GPM6A: variants seen among roughly 807,000 people sequenced by gnomAD.
GPM6A encodes the protein glycoprotein M6A.
A neutral mutation model predicts 32.1 loss-of-function variants in GPM6A; 7 were observed. The ratio of observed to expected loss-of-function variants is 0.22; its 90% CI spans 0.12 to 0.41. The LOEUF is 0.41. Ranked by LOEUF, GPM6A falls within the 10% of genes least tolerant of loss-of-function variation. The probability of loss-of-function intolerance (pLI) is 1.00; values close to 1 mark genes in which losing one functional copy is unlikely to be tolerated. For missense variants in GPM6A, 235 were observed against 347.2 expected (o/e 0.68, Z 2.57); for synonymous variants, 130 against 123.4 (o/e 1.05, Z -0.35).
At chr4:175,968,852 C>A (rs1243539524) in intron 1 of GPM6A, among the ~76,000 whole-genome samples, 1 of 152,052 alleles carries the variant, frequency 6.6e-6, no homozygotes, top group Admixed American at 6.6e-5. Context: ...AATGGTACAG[C>A]CATTTTAGAA....
Position 175,919,707 on chromosome 4 carries a change from A to G in GPM6A, c.-23+82602T>C, listed in dbSNP as rs193257160. Reference sequence around the variant, plus strand: ...TAACAGAATTCCCATTTACAACTGGACACACTCCTAAATGGTCACATTTCC... The same window carrying G: ...TAACAGAATTCCCATTTACAACTGGGCACACTCCTAAATGGTCACATTTCC... On this transcript the variant is annotated intron_variant, in intron 1 of 7. Coordinates refer to the GPM6A transcript ENST00000280187. Among the ~76,000 whole-genome samples, 8 of 152,296 alleles carry G rather than the reference A, an allele frequency of 5.3e-5. No individual in the cohort carries two copies. In the East Asian group the frequency reaches 1.5e-3, roughly 29 times the overall value.
intron 1 of GPM6A, among the ~76,000 whole-genome samples, chr4:175,799,768 G>A (rs1302324982): frequency 1.4e-5 from 2 of 137,996 alleles, no homozygotes; most frequent in Non-Finnish European, 3.2e-5. Flanking sequence ...TCCGCCTCCC[G>A]GGTTCACGCC....
intron 1 of GPM6A, among the ~76,000 whole-genome samples, chr4:175,998,911 A>ATGTAAATTCTAAATTCCTCTCT (rs1386673609): frequency 3.3e-5 from 5 of 151,978 alleles, no homozygotes; most frequent in Admixed American, 1.3e-4. Context: ...ACCTCCTATC[A>ATGTAAATTCTAAATTCCTCTCT]TTGCTTTTAA....
upstream of GPM6A, chr4:175,812,724 C>G (rs1331907874): frequency 1.0e-6 from 1 of 985,434 alleles, no homozygotes; most frequent in African/African-American, 1.7e-5. Context: ...CGACCACCAA[C>G]CCGTAATTCC....
At chr4:175,733,781 C>G (rs1368863082) in intron 1 of GPM6A, among the ~76,000 whole-genome samples, 1 of 152,140 alleles carries the variant, frequency 6.6e-6, no homozygotes, top group African/African-American at 2.4e-5. Flanking sequence ...TGATTGTGTG[C>G]CTGCGAGTAG....
At chr4:175,826,020 T>C (rs1316396628) in intron 1 of GPM6A, among the ~76,000 whole-genome samples, 9 of 151,850 alleles carry the variant, frequency 5.9e-5, no homozygotes, top group Admixed American at 5.9e-4. Flanking sequence ...TCTCAAAAAA[T>C]TAGAGGGCAT....
chr4:175,909,929 C>T (rs568233676), intron 1 of GPM6A, among the ~76,000 whole-genome samples: 1 of 152,068 alleles, frequency 6.6e-6, no homozygotes, highest in Non-Finnish European at 1.5e-5. Context: ...ATGAAGAGCT[C>T]ATGGAGTATA....
intron 2 of GPM6A, among the ~76,000 whole-genome samples, chr4:175,681,150 A>G (rs1743661792): frequency 6.6e-6 from 1 of 152,216 alleles, no homozygotes; most frequent in African/African-American, 2.4e-5. Flanking sequence ...TTAAAGACAT[A>G]TGTAGTTTTG....
intron 1 of GPM6A, among the ~76,000 whole-genome samples, chr4:175,764,705 C>T (rs1732888882): frequency 6.6e-6 from 1 of 151,976 alleles, no homozygotes; most frequent in Non-Finnish European, 1.5e-5. Flanking sequence ...AGCCAACTAC[C>T]TCCTTGACAT....
chr4:175,943,232 G>A (rs543325964), intron 1 of GPM6A, among the ~76,000 whole-genome samples: 5 of 152,282 alleles, frequency 3.3e-5, no homozygotes, highest in Admixed American at 3.3e-4. Flanking sequence ...CATTGATTTT[G>A]TATCCTGAGA....
intron 1 of GPM6A, among the ~76,000 whole-genome samples, chr4:175,702,069 G>A (rs1307610853): frequency 6.6e-6 from 1 of 152,058 alleles, no homozygotes; most frequent in Non-Finnish European, 1.5e-5. Flanking sequence ...ATACATGCAT[G>A]CATATCATTC....
chr4:175,994,961 C>T (rs1174428105), intron 1 of GPM6A, among the ~76,000 whole-genome samples: 1 of 152,184 alleles, frequency 6.6e-6, no homozygotes, highest in Non-Finnish European at 1.5e-5. Flanking sequence ...TTTTAAGGAA[C>T]CACTTTCATT....
chr4:175,743,469 G>GA (rs976139832), intron 1 of GPM6A, among the ~76,000 whole-genome samples: 3 of 151,298 alleles, frequency 2.0e-5, no homozygotes, highest in Non-Finnish European at 4.4e-5. Context: ...GCTACAAGAA[G>GA]AAAAAAATGA....
chr4:175,704,276 T>C (rs1745039960), intron 1 of GPM6A, among the ~76,000 whole-genome samples: 1 of 151,936 alleles, frequency 6.6e-6, no homozygotes, highest in Admixed American at 6.6e-5. Context: ...CAGGCAAAAT[T>C]GTTTCTTGAA....
chr4:175,634,959 C>T lies in GPM6A; in HGVS notation c.783G>A (p.Glu261=), dbSNP rs1371319858. 1 of 1,613,774 alleles carries T rather than the reference C, an allele frequency of 6.2e-7. No homozygotes were observed. The highest frequency in any genetic ancestry group is 1.3e-5 in the African/African-American group (1 of 75,034). ...AGCGAGTAGAGTGGATGTCATGAAG[C>T]TCTTGCTCTTCCTTCGACTTGATGT... ...YEDIKSKEEQ[E]LHDIHSTRSK... is the part of the protein sequence containing the mutation. Residue 261 remains glutamate, a synonymous_variant, in exon 7 of 7, where the codon GAG becomes GAA. Transcript: ENST00000393658.
At chr4:175,666,044 G>A (rs981325651) in intron 3 of GPM6A, among the ~76,000 whole-genome samples, 55 of 150,740 alleles carry the variant, frequency 3.6e-4, no homozygotes, top group African/African-American at 1.2e-3. Flanking sequence ...TTAGCTTCCC[G>A]AGTAGCTGGG....
chr4:175,943,860 G>C (rs1450844503), intron 1 of GPM6A, among the ~76,000 whole-genome samples: 1 of 152,128 alleles, frequency 6.6e-6, no homozygotes, highest in African/African-American at 2.4e-5. Context: ...TTGTGTCTCT[G>C]CCAGGTTTTG....
At chr4:175,724,687 C>G (rs1324736925) in intron 1 of GPM6A, among the ~76,000 whole-genome samples, 1 of 152,052 alleles carries the variant, frequency 6.6e-6, no homozygotes, top group Non-Finnish European at 1.5e-5. Flanking sequence ...AATAAATATG[C>G]ATGGCAATAA....
intron 1 of GPM6A, among the ~76,000 whole-genome samples, chr4:175,919,841 GA>G (rs1429744373): frequency 1.3e-5 from 2 of 152,130 alleles, no homozygotes; most frequent in Non-Finnish European, 2.9e-5. Flanking sequence ...GCTGCCTCAG[GA>G]CTCCCCTGTA....
Sources: allele counts gnomAD v4.1 joint callset (sites outside exome capture counted in the v4.1 genomes callset), GRCh38; gene constraint gnomAD v4.1.1; transcripts MANE v1.5; gene names NCBI Gene and HGNC (gene_info 2026-07-23, HGNC 2026-07-21).